SVIL: variants seen among roughly 807,000 people sequenced by gnomAD.
The protein encoded by SVIL is supervillin, also known as archvillin.
A neutral mutation model predicts 240.4 loss-of-function variants in SVIL; 101 were observed. The ratio of observed to expected loss-of-function variants is 0.42; its 90% CI spans 0.36 to 0.50. The LOEUF (loss-of-function observed/expected upper bound fraction) is 0.50. SVIL is among the 20% of genes least tolerant of loss of function. The probability of loss-of-function intolerance (pLI) is 0.01; values close to 1 mark genes in which losing one functional copy is unlikely to be tolerated. For synonymous variants in SVIL, 999 were observed against 1,100.0 expected (o/e 0.91, Z 1.82); for missense variants, 2,512 against 2,818.7 (o/e 0.89, Z 2.46).
chr10:29,472,033 T>C (rs1411166143), intron 30 of SVIL, among the ~76,000 whole-genome samples: 1 of 152,186 alleles, frequency 6.6e-6, no homozygotes, highest in Non-Finnish European at 1.5e-5. Context: ...TGATTGAGCC[T>C]GGGAGGTCAA....
Position 29,589,463 on chromosome 10 carries a change from G to A in SVIL, c.-200-20151C>T, listed in dbSNP as rs535253093. Among the ~76,000 whole-genome samples the A allele has an allele frequency of 2.6e-5, 4 of 152,298 alleles. No individual in the cohort carries two copies. The South Asian group carries it at 8.3e-4, about 32-fold the overall frequency. The stretch of plus-strand genomic sequence containing the variant: ...CAAGTCCCCTGCAGCATGCAGCACG[G>A]AACAGGCTGGCATTTGTTTATTTTA... On this transcript the variant is annotated intron_variant, in intron 1 of 37. Transcript: ENST00000355867.
At chr10:29,466,290 A>C (rs1040842848) in intron 33 of SVIL, among the ~76,000 whole-genome samples, 29 of 152,006 alleles carry the variant, frequency 1.9e-4, no homozygotes, top group African/African-American at 6.5e-4. Context: ...TTATACATGT[A>C]TATAAATATA....
intron 2 of SVIL, among the ~76,000 whole-genome samples, chr10:29,664,390 G>A (rs1959193180): frequency 6.6e-6 from 1 of 152,106 alleles, no homozygotes; most frequent in Non-Finnish European, 1.5e-5. Flanking sequence ...ATACATGCAT[G>A]TGTGAATATG....
chr10:29,563,784 A>G (rs1954721501), intron 2 of SVIL, among the ~76,000 whole-genome samples: 1 of 152,362 alleles, frequency 6.6e-6, no homozygotes, highest in South Asian at 2.1e-4. Flanking sequence ...GGAAAGCCTC[A>G]TGAAGACTCG....
rs185564319 is a variant in SVIL, at chr10:29,647,799, A to G, written c.-201+10170T>C. Among the ~76,000 whole-genome samples, 259 of 152,260 alleles carry G rather than the reference A, an allele frequency of 1.7e-3. 1 individual carries two copies. Among genetic ancestry groups the G allele is most frequent in the African/African-American group, 6.0e-3 (250 of 41,556 alleles). Reference sequence around the variant, plus strand: ...CCGAGTTTAACAAAAGGTCACGAAGAAAGAGATTCCTTCAGTGTTTTTATA... The same window carrying G: ...CCGAGTTTAACAAAAGGTCACGAAGGAAGAGATTCCTTCAGTGTTTTTATA... On this transcript the variant is annotated intron_variant, in intron 3 of 35. Transcript: ENST00000375400.
rs529671576 is a variant in SVIL, at chr10:29,708,429, T to C, written c.-399-21778A>G. Among the ~76,000 whole-genome samples the C allele has an allele frequency of 1.4e-3, 205 of 151,462 alleles. 1 individual carries two copies. The highest frequency in any genetic ancestry group is 4.8e-3 in the African/African-American group (198 of 41,250). On this transcript the variant is annotated intron_variant, in intron 1 of 35. Coordinates refer to the SVIL transcript ENST00000375400. ...TGAGGTCAGGAGTTCAAGACCAGCC[T>C]GGCCAACATGGTGAAACCCTGTCTT...
At chr10:29,572,918 G>A (rs1955510835) in intron 1 of SVIL, among the ~76,000 whole-genome samples, 1 of 152,030 alleles carries the variant, frequency 6.6e-6, no homozygotes, top group Non-Finnish European at 1.5e-5. Context: ...TTTTGTGCCT[G>A]AAAATTACTC....
At chr10:29,598,395 T>TA (rs1457249082) in intron 1 of SVIL, among the ~76,000 whole-genome samples, 12 of 152,180 alleles carry the variant, frequency 7.9e-5, no homozygotes, top group African/African-American at 2.9e-4. Context: ...TTTACCACAA[T>TA]AAAAAAAATT....
In SVIL at chr10:29,554,269, A is replaced by C. The variant is rs1173609186; in HGVS notation, c.160+514T>G. Among the ~76,000 whole-genome samples the C allele has an allele frequency of 2.0e-5, 3 of 151,964 alleles. No individual in the cohort carries two copies. In the East Asian group the frequency reaches 5.8e-4, roughly 29 times the overall value. On this transcript the variant is annotated intron_variant, in intron 5 of 37. Transcript: ENST00000355867. ...GAGGCTTCAGTGAGCTTATCAGGCC[A>C]CTGCACTCCAGCCTAGGTGACAGAG...
At position 29,551,264 on chromosome 10, in the gene SVIL, C is replaced by A. The variant is rs1425926925; in HGVS notation, c.161-1G>T. Reference sequence around the variant, plus strand: ...GTTTCCTCCTCTTCATTTGATCGGCCTACAAGAAGGTCACATGGATGAGAG... The same window carrying A: ...GTTTCCTCCTCTTCATTTGATCGGCATACAAGAAGGTCACATGGATGAGAG... On this transcript the variant is annotated splice_acceptor_variant, in intron 5 of 37. Transcript: ENST00000355867. LOFTEE classifies it high-confidence loss of function. 6.3e-7 allele frequency: 1 copy of A among 1,583,270 alleles called. No individual in the cohort carries two copies. Among genetic ancestry groups the A allele is most frequent in the Non-Finnish European group, 8.6e-7 (1 of 1,167,468 alleles).
intron 6 of SVIL, among the ~76,000 whole-genome samples, chr10:29,546,328 T>C (rs1022015336): frequency 1.3e-5 from 2 of 152,238 alleles, no homozygotes; most frequent in African/African-American, 2.4e-5. Context: ...GGAAGTATCT[T>C]ATTGTTTTCT....
Position 29,473,848 on chromosome 10 carries a change from CT to C in SVIL, c.5518del (p.Arg1840GlyfsTer67). The C allele has an allele frequency of 6.2e-7, 1 of 1,613,930 alleles. No homozygotes were observed. Among genetic ancestry groups the C allele is most frequent in the Non-Finnish European group, 8.5e-7 (1 of 1,179,958 alleles). ...ALMTVELDEE[R>X]GAQVQVLQGK... is the part of the protein sequence containing the mutation. ...CTCCCCAGGACTCACCTGGGCCCCCCTTTCCTCGTCCAGCTCCACCGTCATC... is the reference window on the plus strand; with the variant it reads ...CTCCCCAGGACTCACCTGGGCCCCCCTTCCTCGTCCAGCTCCACCGTCATC... On this transcript the variant is annotated frameshift_variant, in exon 30 of 38. Transcript: ENST00000355867. LOFTEE classifies it high-confidence loss of function.
At chr10:29,458,632 A>G in intron 36 of SVIL, 43 bp from the exon 37 acceptor site, 1 of 1,591,298 alleles carries the variant, frequency 6.3e-7, no homozygotes, top group Non-Finnish European at 8.5e-7. Flanking sequence ...CGTGTCCTAC[A>G]TTTGAACTTG....
intron 1 of SVIL, among the ~76,000 whole-genome samples, chr10:29,585,791 T>TCAGGAGTCAGAGTGAGCCGC (rs1956143175): frequency 6.6e-6 from 1 of 152,210 alleles, no homozygotes; most frequent in Admixed American, 6.5e-5. Flanking sequence ...TCCGGAGCAG[T>TCAGGAGTCAGAGTGAGCCGC]CAGGAGTCAG....
chr10:29,706,561 C>G (rs563620247), intron 1 of SVIL, among the ~76,000 whole-genome samples: 7 of 152,176 alleles, frequency 4.6e-5, no homozygotes, highest in Non-Finnish European at 8.8e-5. Flanking sequence ...AGACCTCTGT[C>G]AGATGGGTAG....
intron 6 of SVIL, among the ~76,000 whole-genome samples, chr10:29,545,839 G>A (rs11598940): frequency 0.43 from 55,099 of 128,416 alleles, 11,458 homozygotes; most frequent in East Asian, 0.47. Flanking sequence ...TGGAGTCAGA[G>A]TGAGACTCTG....
At chr10:29,657,136 T>C (rs1365154918) in intron 3 of SVIL, among the ~76,000 whole-genome samples, 2 of 152,188 alleles carry the variant, frequency 1.3e-5, no homozygotes, top group Non-Finnish European at 2.9e-5. Flanking sequence ...CTCTTAAACA[T>C]TTGCTATTGT....
chr10:29,667,000 G>A (rs1959354490), intron 2 of SVIL, among the ~76,000 whole-genome samples: 1 of 150,332 alleles, frequency 6.7e-6, no homozygotes, highest in Non-Finnish European at 1.5e-5. Flanking sequence ...AGGCTCTGAA[G>A]GAGGTAGGAG....
intron 17 of SVIL, among the ~76,000 whole-genome samples, chr10:29,507,280 G>A (rs946613325): frequency 6.6e-6 from 1 of 152,114 alleles, no homozygotes; most frequent in African/African-American, 2.4e-5. Context: ...TCCTCACTGA[G>A]CTGGAGCGAA....
Sources: gnomAD v4.1 joint callset for allele counts (sites outside exome capture counted in the v4.1 genomes callset) on GRCh38, gnomAD v4.1.1 for gene constraint, MANE v1.5 for transcripts, NCBI Gene and HGNC (gene_info 2026-07-23, HGNC 2026-07-21) for gene names.